EYS: variants seen among roughly 807,000 people sequenced by gnomAD.
EYS encodes the protein protein eyes shut homolog.
Under a neutral mutation model 282.1 loss-of-function variants are expected in EYS, and 250 were observed. That is an observed-to-expected ratio of 0.89 (90% confidence interval 0.80 to 0.98). The LOEUF is 0.98. Among genes scored for constraint, EYS ranks in the 50% least tolerant of loss-of-function variants. EYS has a pLI of 0.00. For synonymous variants in EYS, 1,355 were observed against 1,282.9 expected (o/e 1.06, Z -1.20); for missense variants, 4,016 against 3,709.0 (o/e 1.08, Z -2.15).
chr6:63,744,364 G>A (rs1769158428), intron 41 of EYS: 1 of 152,062 alleles, frequency 6.6e-6, no homozygotes, highest in Admixed American at 6.6e-5. Context: ...CACATTAAAT[G>A]TACTACTATG....
chr6:64,107,273 ATATATATATATT>A (rs1417054392), intron 31 of EYS, among the ~76,000 whole-genome samples: 3 of 83,902 alleles, frequency 3.6e-5, no homozygotes, highest in African/African-American at 9.1e-5. Context: ...GTGTGTGTGT[ATATATATATATT>A]TATATATATA....
At chr6:65,534,397 G>A (rs78362635) in intron 2 of EYS, among the ~76,000 whole-genome samples, 29 of 152,160 alleles carry the variant, frequency 1.9e-4, no homozygotes, top group African/African-American at 6.7e-4. Context: ...TCCTTAAATT[G>A]GCTAACCTCT....
rs929982667 is a variant in EYS, at chr6:64,452,642, T to C, written c.5645-13290A>G. Among the ~76,000 whole-genome samples the C allele has an allele frequency of 2.2e-4, 34 of 152,244 alleles. No homozygotes were observed. The East Asian group carries it at 5.6e-3, about 25-fold the overall frequency. Reference sequence around the variant, plus strand: ...GGCTACAGTAACCAAAACAGCATGGTACTGGTACCAAAACAGAGATACAGA... The same window carrying C: ...GGCTACAGTAACCAAAACAGCATGGCACTGGTACCAAAACAGAGATACAGA... On this transcript the variant is annotated intron_variant, in intron 26 of 42. Coordinates refer to ENST00000503581, the MANE Select transcript of EYS (RefSeq NM_001142800.2).
chr6:63,975,466 T>C (rs972077050), intron 35 of EYS, among the ~76,000 whole-genome samples: 2 of 152,038 alleles, frequency 1.3e-5, no homozygotes, highest in African/African-American at 4.8e-5. Context: ...CAGAAAACAA[T>C]TACCAGAATG....
chr6:63,789,327 AGTTATAATAC>A, intron 37 of EYS, 103 bp from the exon 38 acceptor site: 6 of 1,129,430 alleles, frequency 5.3e-6, no homozygotes, highest in Non-Finnish European at 7.5e-6. Context: ...CAGTATGGTA[AGTTATAATAC>A]ATATTTAGTC....
intron 12 of EYS, among the ~76,000 whole-genome samples, chr6:65,277,157 G>A (rs1768070420): frequency 6.6e-6 from 1 of 152,226 alleles, no homozygotes; most frequent in Admixed American, 6.5e-5. Flanking sequence ...CCCCAGGGCT[G>A]GGTGCAGTGG....
intron 13 of EYS, among the ~76,000 whole-genome samples, chr6:65,042,706 A>T (rs2150150062): frequency 6.6e-6 from 1 of 151,588 alleles, no homozygotes; most frequent in East Asian, 1.9e-4. Context: ...TGTGTTTTAA[A>T]AAATAAAAAT....
chr6:65,546,122 C>T (rs901201704), intron 2 of EYS, among the ~76,000 whole-genome samples: 18 of 149,736 alleles, frequency 1.2e-4, no homozygotes, highest in Non-Finnish European at 1.6e-4. Flanking sequence ...CAGGCTCAAG[C>T]GATCCTCCAC....
chr6:64,200,306 G>A (rs923398787), intron 31 of EYS, among the ~76,000 whole-genome samples: 1 of 151,958 alleles, frequency 6.6e-6, no homozygotes, highest in African/African-American at 2.4e-5. Flanking sequence ...ACAACATAGA[G>A]TGAACTCTAA....
At chr6:63,773,307 G>C (rs1769982419) in intron 40 of EYS, among the ~76,000 whole-genome samples, 1 of 152,132 alleles carries the variant, frequency 6.6e-6, no homozygotes, top group Non-Finnish European at 1.5e-5. Context: ...GTAATTCCAA[G>C]GAAGTAGGGA....
chr6:65,195,810 G>C (rs746564523), intron 12 of EYS, among the ~76,000 whole-genome samples: 1 of 151,980 alleles, frequency 6.6e-6, no homozygotes, highest in Non-Finnish European at 1.5e-5. Context: ...AGTGAAAAAT[G>C]CTGCTTCATA....
intron 2 of EYS, among the ~76,000 whole-genome samples, chr6:65,518,138 G>A (rs1034287886): frequency 1.3e-5 from 2 of 152,064 alleles, no homozygotes; most frequent in East Asian, 1.9e-4. Flanking sequence ...TATTCCCAAC[G>A]TCTTACAGCT....
At chr6:65,133,568 T>C (rs1775940975) in intron 12 of EYS, among the ~76,000 whole-genome samples, 1 of 152,026 alleles carries the variant, frequency 6.6e-6, no homozygotes, top group Admixed American at 6.6e-5. Context: ...TAGCTAGCTA[T>C]ATGCAAAAGA....
chr6:64,890,538 T>A (rs1018180061), intron 18 of EYS, among the ~76,000 whole-genome samples: 3 of 152,146 alleles, frequency 2.0e-5, no homozygotes, highest in Non-Finnish European at 4.4e-5. Flanking sequence ...AGAACCTACG[T>A]GAATATCAGG....
chr6:64,776,000 G>A (rs1056527547), intron 22 of EYS, among the ~76,000 whole-genome samples: 8 of 151,996 alleles, frequency 5.3e-5, no homozygotes, highest in African/African-American at 1.9e-4. Context: ...CTTGTAAAAT[G>A]TATCAGCCAA....
chr6:65,371,239 C>T (rs1765130160), intron 8 of EYS, among the ~76,000 whole-genome samples: 1 of 151,634 alleles, frequency 6.6e-6, no homozygotes, highest in Non-Finnish European at 1.5e-5. Flanking sequence ...TTAGGTATTA[C>T]AAGTAATCTA....
At chr6:65,662,254 G>T (rs964800473) in intron 1 of EYS, among the ~76,000 whole-genome samples, 5 of 152,054 alleles carry the variant, frequency 3.3e-5, no homozygotes, top group Admixed American at 2.6e-4. Context: ...TCTGGAAGAG[G>T]TTTATCTTCT....
rs568731819 is a variant in EYS at position 64,527,077 on chromosome 6, AT to A, written c.5644+63145del. On this transcript the variant is annotated intron_variant, in intron 26 of 42. Transcript: ENST00000503581. ...TCTTAAAACATTTCTTTCTGGTGAC[AT>A]TTTGAAGCCTTTTGCAGGAGATAAA... Among the ~76,000 whole-genome samples, 984 of 151,922 alleles carry A rather than the reference AT, an allele frequency of 6.5e-3. 8 individuals are homozygous for A. The highest frequency in any genetic ancestry group is 0.012 in the Non-Finnish European group (787 of 67,742).
intron 39 of EYS, chr6:63,786,197 C>T (rs1394463229): frequency 9.1e-6 from 1 of 110,286 alleles, no homozygotes; most frequent in Admixed American, 1.2e-4. Context: ...GATGACACAG[C>T]GAGACTCAAA....
Sources: allele counts gnomAD v4.1 joint callset (sites outside exome capture counted in the v4.1 genomes callset), GRCh38; gene constraint gnomAD v4.1.1; transcripts MANE v1.5; gene names NCBI Gene and HGNC (gene_info 2026-07-23, HGNC 2026-07-21).